PLS1: variants seen among roughly 807,000 people sequenced by gnomAD.
PLS1 encodes the protein plastin-1.
Under a neutral mutation model 73.7 loss-of-function variants are expected in PLS1, and 32 were observed. That is an observed-to-expected ratio of 0.43 (90% confidence interval 0.33 to 0.58). The LOEUF (loss-of-function observed/expected upper bound fraction) is 0.58. Among genes scored for constraint, PLS1 ranks in the 20% least tolerant of loss-of-function variants. PLS1 has a pLI of 0.04. For synonymous variants in PLS1, 217 were observed against 261.3 expected (o/e 0.83, Z 1.63); for missense variants, 633 against 740.5 (o/e 0.85, Z 1.68).
At chr3:142,602,067 A>C (rs543594676) in intron 1 of PLS1, among the ~76,000 whole-genome samples, 1 of 152,052 alleles carries the variant, frequency 6.6e-6, no homozygotes, top group South Asian at 2.1e-4. Flanking sequence ...TCTTTGAGCC[A>C]CATTTAAAAA....
chr3:142,682,934 T>G (rs2037885473), intron 6 of PLS1, among the ~76,000 whole-genome samples: 1 of 152,228 alleles, frequency 6.6e-6, no homozygotes, highest in Admixed American at 6.5e-5. Flanking sequence ...TTCTGCTGCT[T>G]CTTTCAGGAG....
At position 142,669,544 on chromosome 3, in the gene PLS1, G is replaced by T. The variant is rs764677981; in HGVS notation, c.225G>T (p.Glu75Asp). Residue 75 changes from glutamate to aspartate, a missense_variant, in exon 3 of 16, where the codon GAG (glutamate) becomes GAT (aspartate). Transcript: ENST00000457734. Reference protein sequence around the residue: ...SNKDGKISFEEFVSLMQELKS... With the variant: ...SNKDGKISFEDFVSLMQELKS... ...AAGATGGCAAAATCAGTTTTGAAGAGTTTGTGTCAGTAAGTAATCTAATCC... is the reference window on the plus strand; with the variant it reads ...AAGATGGCAAAATCAGTTTTGAAGATTTTGTGTCAGTAAGTAATCTAATCC... The T allele has an allele frequency of 6.2e-7, 1 of 1,610,862 alleles. No homozygotes were observed. The highest frequency in any genetic ancestry group is 8.5e-7 in the Non-Finnish European group (1 of 1,177,844).
intron 1 of PLS1, among the ~76,000 whole-genome samples, chr3:142,601,726 A>C (rs938542084): frequency 1.3e-5 from 2 of 152,088 alleles, no homozygotes; most frequent in Non-Finnish European, 2.9e-5. Flanking sequence ...TATGTTGTCT[A>C]GGCTGATCTC....
chr3:142,686,288 C>T lies in PLS1; in HGVS notation c.893C>T (p.Ser298Leu), dbSNP rs765096641. The change falls in exon 9 of 16, where the codon TCG (serine) becomes TTG (leucine). Residue 298 changes from serine to leucine, a missense_variant. Ser to Leu is a moderately radical substitution (Grantham distance 145). Transcript: ENST00000457734. ...ISNFSQDIKD[S>L]RAYFHLLNQI... The stretch of plus-strand genomic sequence containing the variant: ...ATTTCATATCTTTCCTTGAAGGACT[C>T]GAGAGCCTATTTTCATCTGCTTAAT... 5.7e-6 allele frequency: 9 copies of T among 1,586,216 alleles called. No homozygotes were observed. In the South Asian group the frequency reaches 6.7e-5, roughly 12 times the overall value.
At chr3:142,659,753 A>G (rs772675195) in intron 1 of PLS1, among the ~76,000 whole-genome samples, 4 of 151,120 alleles carry the variant, frequency 2.6e-5, no homozygotes, top group Non-Finnish European at 5.9e-5. Flanking sequence ...CTGGAGTGCA[A>G]TGGCGTGATC....
At position 142,609,987 on chromosome 3, in the gene PLS1, G is replaced by A. The variant is rs137873126; in HGVS notation, c.-37+13478G>A. ...TGGTTCAAACGATTCTCCTGCCTCA[G>A]CCTCGCGAGTAGCTGGGATTACAGG... On this transcript the variant is annotated intron_variant, in intron 1 of 15. Coordinates refer to ENST00000457734, the MANE Select transcript of PLS1 (RefSeq NM_001145319.2). 5.7e-3 allele frequency among the ~76,000 whole-genome samples: 861 copies of A among 152,270 alleles called. 15 individuals carry two copies. Among genetic ancestry groups the A allele is most frequent in the Admixed American group, 0.016 (241 of 15,294 alleles).
At chr3:142,701,215 C>T (rs1342885187) in intron 12 of PLS1, among the ~76,000 whole-genome samples, 1 of 152,184 alleles carries the variant, frequency 6.6e-6, no homozygotes, top group Non-Finnish European at 1.5e-5. Context: ...TTTCCAAGGC[C>T]TGGTTCTTGG....
intron 1 of PLS1, among the ~76,000 whole-genome samples, chr3:142,650,112 C>A (rs534575291): frequency 1.8e-4 from 27 of 151,874 alleles, no homozygotes; most frequent in Admixed American, 1.4e-3. Flanking sequence ...AAGAAAAAAA[C>A]CACAGTGGGA....
At chr3:142,678,960 C>T (rs1176598248) in intron 6 of PLS1, among the ~76,000 whole-genome samples, 3 of 152,228 alleles carry the variant, frequency 2.0e-5, no homozygotes, top group South Asian at 2.1e-4. Context: ...TTAATGATCG[C>T]CATTCTAACT....
intron 11 of PLS1, among the ~76,000 whole-genome samples, chr3:142,695,761 C>CTTACTTAT (rs1192362877): frequency 2.1e-5 from 2 of 94,260 alleles, no homozygotes; most frequent in Admixed American, 8.9e-5. Flanking sequence ...AGGAGACTTA[C>CTTACTTAT]TTATTTATTT....
intron 1 of PLS1, among the ~76,000 whole-genome samples, chr3:142,663,929 T>C (rs967390838): frequency 2.6e-5 from 4 of 152,188 alleles, no homozygotes; most frequent in African/African-American, 9.6e-5. Flanking sequence ...AAAATGCAAA[T>C]AGAAATTATT....
chr3:142,630,938 A>AACACACACACACACACAC (rs140962182), intron 1 of PLS1, among the ~76,000 whole-genome samples: 1,396 of 137,412 alleles, frequency 0.01, 38 homozygotes, highest in African/African-American at 0.027. Context: ...CATGTAAATA[A>AACACACACACACACACAC]ACACACACAC....
intron 1 of PLS1, chr3:142,645,148 A>G (rs1012833418): frequency 1.3e-5 from 2 of 152,174 alleles, no homozygotes; most frequent in African/African-American, 2.4e-5. Context: ...ATAGTTAATT[A>G]TTTGTTATGG....
At chr3:142,698,437 TAAA>T (rs57727251) in intron 12 of PLS1, 9 of 140,724 alleles carry the variant, frequency 6.4e-5, no homozygotes, top group African/African-American at 1.3e-4. Flanking sequence ...ATGCAGGATG[TAAA>T]AAAAAAAAAA....
At chr3:142,686,469 C>A in intron 9 of PLS1, 93 bp downstream of exon 9, 1 of 765,930 alleles carries the variant, frequency 1.3e-6, no homozygotes, top group Non-Finnish European at 2.3e-6. Flanking sequence ...AGTTCAGTGG[C>A]ATTCAGTACA....
intron 5 of PLS1, among the ~76,000 whole-genome samples, chr3:142,677,705 G>A (rs1373921881): frequency 1.3e-5 from 2 of 152,118 alleles, no homozygotes; most frequent in African/African-American, 2.4e-5. Flanking sequence ...GATTACTATT[G>A]CAGTGAGTGA....
Position 142,684,261 on chromosome 3 carries a change from G to A in PLS1, c.754G>A (p.Ala252Thr). Reference protein sequence around the residue: ...IEISRNEALIALLNEGEELEE... With the variant: ...IEISRNEALITLLNEGEELEE... ...CGCTGTTTTGCCCTCAGCTCTGATT[G>A]CATTGTTAAATGAAGGTGAGGAACT... is the stretch of plus-strand genomic sequence containing the variant. Residue 252 changes from alanine (A) to threonine (T), a missense_variant, in exon 8 of 16, where the codon GCA becomes ACA. Transcript: ENST00000457734. 1 of 1,614,116 alleles carries A rather than the reference G, an allele frequency of 6.2e-7. No individual in the cohort carries two copies. Among genetic ancestry groups the A allele is most frequent in the Non-Finnish European group, 8.5e-7 (1 of 1,180,012 alleles).
In PLS1 at chr3:142,600,835, A is replaced by G. The variant is rs372761400; in HGVS notation, c.-37+4326A>G. 3.6e-5 allele frequency among the ~76,000 whole-genome samples: 5 copies of G among 139,314 alleles called. No homozygotes were observed. In the East Asian group the frequency reaches 8.7e-4, roughly 24 times the overall value. 91.4% of individuals were successfully genotyped at this position (139,314 alleles called of 152,430 possible). On this transcript the variant is annotated intron_variant, in intron 1 of 15. Coordinates refer to ENST00000457734, the MANE Select transcript of PLS1 (RefSeq NM_001145319.2). Reference sequence around the variant, plus strand: ...AGGAGAGACAGAACAAATGAGCTTGAGAAATGGCTAGCAGTGGGGAAGGGA... The same window carrying G: ...AGGAGAGACAGAACAAATGAGCTTGGGAAATGGCTAGCAGTGGGGAAGGGA...
At chr3:142,633,814 A>T (rs2036619156) in intron 1 of PLS1, among the ~76,000 whole-genome samples, 1 of 152,220 alleles carries the variant, frequency 6.6e-6, no homozygotes, top group Admixed American at 6.5e-5. Context: ...AAAAATTACC[A>T]GGCATGCAAT....
Sources: allele counts gnomAD v4.1 joint callset (sites outside exome capture counted in the v4.1 genomes callset), GRCh38; gene constraint gnomAD v4.1.1; transcripts MANE v1.5; gene names NCBI Gene and HGNC (gene_info 2026-07-23, HGNC 2026-07-21).